The following LRMDA variants were observed in gnomAD, a reference collection of about 807,000 sequenced individuals.
LRMDA encodes leucine-rich melanocyte differentiation-associated protein.
A neutral mutation model predicts 29.8 loss-of-function variants in LRMDA; 18 were observed. The ratio of observed to expected loss-of-function variants is 0.60; its 90% CI spans 0.42 to 0.90. The LOEUF (loss-of-function observed/expected upper bound fraction) is 0.90, where lower values mean the gene tolerates loss of function less well. Ranked by LOEUF, LRMDA falls within the 40% of genes least tolerant of loss-of-function variation. The probability of loss-of-function intolerance (pLI) is 0.00; values close to 1 mark genes in which losing one functional copy is unlikely to be tolerated. For synonymous variants in LRMDA, 125 were observed against 109.4 expected (o/e 1.14, Z -0.89); for missense variants, 273 against 273.9 (o/e 1.00, Z 0.02).
intron 6 of LRMDA, among the ~76,000 whole-genome samples, chr10:76,418,861 A>G (rs1034574671): frequency 1.3e-5 from 2 of 152,068 alleles, no homozygotes; most frequent in African/African-American, 4.8e-5. Context: ...AGAGGTGATC[A>G]TTTGCTTTTC....
intron 2 of LRMDA, among the ~76,000 whole-genome samples, chr10:75,955,449 G>A (rs1846648420): frequency 6.6e-6 from 1 of 152,260 alleles, no homozygotes; most frequent in Non-Finnish European, 1.5e-5. Context: ...ATGAGTGGTT[G>A]GGGTAGGTGT....
Position 76,237,882 on chromosome 10 carries a change from C to CT in LRMDA, c.517-86518dup, listed in dbSNP as rs561544831. On this transcript the variant is annotated intron_variant, in intron 5 of 6. Coordinates refer to ENST00000611255, the MANE Select transcript of LRMDA (RefSeq NM_001305581.2). The stretch of plus-strand genomic sequence containing the variant: ...TCTTGGCTCACTGCAACCTCTGCCC[C>CT]TGGGTTCAAGCAATTCTGCTGCCTC... Among the ~76,000 whole-genome samples the CT allele has an allele frequency of 6.1e-3, 918 of 151,120 alleles. 9 individuals carry two copies. Among genetic ancestry groups the CT allele is most frequent in the Middle Eastern group, 0.014 (4 of 288 alleles).
intron 2 of LRMDA, among the ~76,000 whole-genome samples, chr10:75,952,238 A>T (rs1332048949): frequency 6.6e-6 from 1 of 152,102 alleles, no homozygotes; most frequent in Non-Finnish European, 1.5e-5. Context: ...TTACCACGGT[A>T]TGACCTCGTG....
rs568871293 is a variant in LRMDA, at chr10:75,535,733, C to G, written c.131+97239C>G. Among the ~76,000 whole-genome samples the G allele has an allele frequency of 2.0e-5, 3 of 152,232 alleles. No individual in the cohort carries two copies. The East Asian group carries it at 5.8e-4, about 29-fold the overall frequency. On this transcript the variant is annotated intron_variant, in intron 2 of 6. Coordinates refer to ENST00000611255, the MANE Select transcript of LRMDA (RefSeq NM_001305581.2). Reference sequence around the variant, plus strand: ...AGAAAATCAGGTAAGGGCCTTGTAGCCATTTTGGATAAAGTTGAAGTGGAC... The same window carrying G: ...AGAAAATCAGGTAAGGGCCTTGTAGGCATTTTGGATAAAGTTGAAGTGGAC...
At chr10:75,759,521 A>C (rs1487674940) in intron 2 of LRMDA, among the ~76,000 whole-genome samples, 4 of 152,232 alleles carry the variant, frequency 2.6e-5, no homozygotes, top group African/African-American at 7.2e-5. Context: ...GAAAATGAGA[A>C]AAAGCAGCTC....
At chr10:76,112,847 T>A (rs183714639) in intron 5 of LRMDA, among the ~76,000 whole-genome samples, 329 of 152,348 alleles carry the variant, frequency 2.2e-3, no homozygotes, top group Admixed American at 5.2e-3. Flanking sequence ...CTCTTTTTTC[T>A]TTTTGCATTG....
intron 6 of LRMDA, among the ~76,000 whole-genome samples, chr10:76,454,435 C>T (rs550245102): frequency 1.3e-5 from 2 of 152,210 alleles, no homozygotes; most frequent in South Asian, 4.2e-4. Context: ...CTGCATTATT[C>T]TTTGTACCAA....
intron 5 of LRMDA, among the ~76,000 whole-genome samples, chr10:76,060,992 A>AGCTCT (rs1162733384): frequency 2.6e-5 from 4 of 152,222 alleles, no homozygotes; most frequent in African/African-American, 9.6e-5. Flanking sequence ...AAACAGAACT[A>AGCTCT]CCATTTGACC....
intron 2 of LRMDA, among the ~76,000 whole-genome samples, chr10:75,717,361 AG>A (rs1359857452): frequency 6.6e-6 from 1 of 152,222 alleles, no homozygotes; most frequent in East Asian, 1.9e-4. Flanking sequence ...CTATAAAAAC[AG>A]GGCGATGGGA....
At position 76,488,454 on chromosome 10, in the gene LRMDA, T is replaced by G. The variant is rs1359351875; in HGVS notation, c.602-68755T>G. 2.5e-5 allele frequency among the ~76,000 whole-genome samples: 3 copies of G among 118,248 alleles called. No homozygotes were observed. The East Asian group carries it at 6.5e-4, about 26-fold the overall frequency. The allele number at this position is 118,248 out of a possible 152,430, so 77.6% of individuals were successfully genotyped here. ...TACTGTTTTTTCTGGCTTCTTTCAGTATAATTATTTTGAGATTCAACCATG... is the reference window on the plus strand; with the variant it reads ...TACTGTTTTTTCTGGCTTCTTTCAGGATAATTATTTTGAGATTCAACCATG... On this transcript the variant is annotated intron_variant, in intron 6 of 6. Transcript: ENST00000611255.
chr10:76,298,204 T>G (rs1208007856), intron 5 of LRMDA, among the ~76,000 whole-genome samples: 1 of 152,186 alleles, frequency 6.6e-6, no homozygotes, highest in Non-Finnish European at 1.5e-5. Context: ...AAAATGCGCC[T>G]TGATGCTATG....
chr10:76,533,146 CGAGAGTGAGAGAGAGCGAGAGA>C (rs1356779255), intron 6 of LRMDA, among the ~76,000 whole-genome samples: 1 of 128,738 alleles, frequency 7.8e-6, no homozygotes, highest in Non-Finnish European at 1.8e-5. Flanking sequence ...AGAGCGAGAG[CGAGAGTGAGAGAGAGCGAGAGA>C]GAGAATGAAT....
rs558755123 is a variant in LRMDA, at chr10:75,879,580, T to A, written c.132-156428T>A. Among the ~76,000 whole-genome samples, 5 of 152,106 alleles carry A rather than the reference T, an allele frequency of 3.3e-5. No homozygotes were observed. In the South Asian group the frequency reaches 1.0e-3, roughly 32 times the overall value. ...TGCCTATTTCTACTGGAATATAAGG[T>A]CTGGGGGAAGGGAAGAGACTGGGAT... On this transcript the variant is annotated intron_variant, in intron 2 of 6. Transcript: ENST00000611255.
intron 2 of LRMDA, among the ~76,000 whole-genome samples, chr10:75,832,426 T>C (rs926169221): frequency 6.6e-6 from 1 of 152,224 alleles, no homozygotes; most frequent in East Asian, 1.9e-4. Context: ...GATTGCATTG[T>C]CCATATCATT....
intron 2 of LRMDA, among the ~76,000 whole-genome samples, chr10:75,881,569 C>T (rs11001534): frequency 0.39 from 58,893 of 151,920 alleles, 13,283 homozygotes; most frequent in South Asian, 0.51. Context: ...ACCAATCAGA[C>T]GTTTGCATAG....
intron 5 of LRMDA, among the ~76,000 whole-genome samples, chr10:76,118,037 G>A (rs1049549382): frequency 2.0e-5 from 3 of 152,210 alleles, no homozygotes; most frequent in African/African-American, 7.2e-5. Flanking sequence ...CTTCCTGGTA[G>A]AGCCATGCTG....
chr10:75,559,529 G>T (rs898293626), intron 2 of LRMDA, among the ~76,000 whole-genome samples: 11 of 150,616 alleles, frequency 7.3e-5, no homozygotes, highest in East Asian at 2.0e-4. Context: ...AGAAGCTCTT[G>T]AGTTTAATGA....
At chr10:76,151,698 A>G (rs1850448474) in intron 5 of LRMDA, among the ~76,000 whole-genome samples, 1 of 152,164 alleles carries the variant, frequency 6.6e-6, no homozygotes, top group Admixed American at 6.5e-5. Context: ...TTATTTTTGA[A>G]TTGCATTTTT....
intron 2 of LRMDA, among the ~76,000 whole-genome samples, chr10:75,945,957 A>G (rs971247211): frequency 3.3e-5 from 5 of 152,176 alleles, no homozygotes; most frequent in African/African-American, 1.2e-4. Flanking sequence ...AAGGTTTCTG[A>G]CTTTCAGCTA....
Sources: gnomAD v4.1 joint callset for allele counts (sites outside exome capture counted in the v4.1 genomes callset) on GRCh38, gnomAD v4.1.1 for gene constraint, MANE v1.5 for transcripts, NCBI Gene and HGNC (gene_info 2026-07-23, HGNC 2026-07-21) for gene names.